The following SEMA6D variants were observed in gnomAD, a reference collection of about 807,000 sequenced individuals.
SEMA6D encodes semaphorin 6D, also known as semaphorin-6D.
SEMA6D carries 35 observed loss-of-function variants against 106.6 expected under a neutral mutation model. That is an observed-to-expected ratio of 0.33 (90% CI 0.25 to 0.44). The LOEUF is 0.44. Ranked by LOEUF, SEMA6D falls within the 20% of genes least tolerant of loss-of-function variation. SEMA6D has a pLI of 1.00. For synonymous variants in SEMA6D, 499 were observed against 487.7 expected (o/e 1.02, Z -0.31); for missense variants, 1,185 against 1,345.9 (o/e 0.88, Z 1.87).
At chr15:47,232,757 T>C (rs1595782187) in intron 1 of SEMA6D, among the ~76,000 whole-genome samples, 1 of 78,126 alleles carries the variant, frequency 1.3e-5, no homozygotes, top group African/African-American at 4.2e-5. Context: ...TTCAAACTCT[T>C]TGCACGTTTT....
At chr15:47,350,899 A>C (rs796671970) in intron 1 of SEMA6D, among the ~76,000 whole-genome samples, 1 of 152,166 alleles carries the variant, frequency 6.6e-6, no homozygotes, top group African/African-American at 2.4e-5. Flanking sequence ...GAACTATATC[A>C]TATGTATGAC....
At chr15:47,610,022 T>C (rs1328544181) in intron 4 of SEMA6D, among the ~76,000 whole-genome samples, 1 of 152,202 alleles carries the variant, frequency 6.6e-6, no homozygotes, top group African/African-American at 2.4e-5. Context: ...GCTTTGAGGA[T>C]ATCCAGACTG....
intron 3 of SEMA6D, among the ~76,000 whole-genome samples, chr15:47,571,487 T>C (rs1596339442): frequency 6.6e-6 from 1 of 152,304 alleles, no homozygotes; most frequent in East Asian, 1.9e-4. Context: ...TGCAATGAAT[T>C]TGATTAAACA....
At chr15:47,694,667 C>T (rs1163366866) in intron 4 of SEMA6D, among the ~76,000 whole-genome samples, 2 of 151,980 alleles carry the variant, frequency 1.3e-5, no homozygotes, top group Non-Finnish European at 2.9e-5. Flanking sequence ...CAATATTTTT[C>T]CTAGGCTCAC....
At chr15:47,551,078 T>G (rs1040958687) in intron 3 of SEMA6D, among the ~76,000 whole-genome samples, 3 of 152,204 alleles carry the variant, frequency 2.0e-5, no homozygotes, top group African/African-American at 7.2e-5. Flanking sequence ...GCTTTGCACC[T>G]GACACCTCCA....
At chr15:47,481,379 G>C (rs922924512) in intron 3 of SEMA6D, among the ~76,000 whole-genome samples, 1 of 152,066 alleles carries the variant, frequency 6.6e-6, no homozygotes, top group African/African-American at 2.4e-5. Context: ...AAGTATCTTT[G>C]GTAGATTTCA....
chr15:47,605,638 C>T (rs949478886), intron 4 of SEMA6D, among the ~76,000 whole-genome samples: 4 of 152,170 alleles, frequency 2.6e-5, no homozygotes, highest in African/African-American at 7.2e-5. Context: ...CGATCCCCAC[C>T]AGGCAGCCCA....
At chr15:47,368,476 ATTTAT>A (rs1426634205) in intron 1 of SEMA6D, among the ~76,000 whole-genome samples, 1 of 84,424 alleles carries the variant, frequency 1.2e-5, no homozygotes, top group Non-Finnish European at 3.1e-5. Flanking sequence ...TTATTTATTT[ATTTAT>A]TTTTTTTGAG....
intron 2 of SEMA6D, among the ~76,000 whole-genome samples, chr15:47,463,798 G>A (rs1164025136): frequency 6.6e-6 from 1 of 152,162 alleles, no homozygotes; most frequent in African/African-American, 2.4e-5. Flanking sequence ...GGTGTCCACA[G>A]AGCTGCACTC....
intron 4 of SEMA6D, among the ~76,000 whole-genome samples, chr15:47,647,163 C>A (rs2077595456): frequency 6.6e-6 from 1 of 152,128 alleles, no homozygotes; most frequent in African/African-American, 2.4e-5. Flanking sequence ...CACAATTTTC[C>A]TATGAGAGCA....
rs80128186 is a variant in SEMA6D at position 47,524,917 on chromosome 15, A to C, written c.-87+54372A>C. On this transcript the variant is annotated intron_variant, in intron 3 of 19. Transcript: ENST00000558014. ...TAGGGCATGAGCATATTAATGAGAC[A>C]AAAAAAGGGTTCCTTCATGAAAGTG... Among the ~76,000 whole-genome samples, 1,437 of 152,244 alleles carry C rather than the reference A, an allele frequency of 9.4e-3. 13 individuals carry two copies. Among genetic ancestry groups the C allele is most frequent in the Middle Eastern group, 0.017 (5 of 294 alleles).
At chr15:47,378,714 T>C (rs2039536336) in intron 1 of SEMA6D, among the ~76,000 whole-genome samples, 1 of 152,228 alleles carries the variant, frequency 6.6e-6, no homozygotes, top group Non-Finnish European at 1.5e-5. Context: ...CAGATTTGAC[T>C]TAATCAGTTC....
At chr15:47,516,359 C>T (rs552936828) in intron 3 of SEMA6D, among the ~76,000 whole-genome samples, 71 of 152,250 alleles carry the variant, frequency 4.7e-4, no homozygotes, top group African/African-American at 1.7e-3. Flanking sequence ...ATGGTGAATT[C>T]TGTCTATTTG....
intron 1 of SEMA6D, among the ~76,000 whole-genome samples, chr15:47,229,456 A>G (rs2032034495): frequency 6.6e-6 from 1 of 151,962 alleles, no homozygotes; most frequent in Non-Finnish European, 1.5e-5. Context: ...AAGGTCAGTA[A>G]TTGTGCCCCA....
intron 1 of SEMA6D, among the ~76,000 whole-genome samples, chr15:47,729,584 G>T (rs1044905340): frequency 6.6e-6 from 1 of 152,168 alleles, no homozygotes; most frequent in African/African-American, 2.4e-5. Flanking sequence ...GGGTTTGTCA[G>T]GTAAGATCAC....
intron 4 of SEMA6D, among the ~76,000 whole-genome samples, chr15:47,618,460 T>C (rs1021222213): frequency 4.6e-5 from 7 of 152,208 alleles, no homozygotes; most frequent in African/African-American, 1.7e-4. Flanking sequence ...CACAAGCCTC[T>C]GAAAAGTAAA....
intron 1 of SEMA6D, among the ~76,000 whole-genome samples, chr15:47,302,700 G>C (rs572422473): frequency 1.2e-4 from 18 of 152,156 alleles, no homozygotes; most frequent in African/African-American, 4.1e-4. Flanking sequence ...ACTTGTCTTC[G>C]ACAGATTTGA....
chr15:47,413,905 A>G (rs186391159), intron 2 of SEMA6D, among the ~76,000 whole-genome samples: 4 of 152,334 alleles, frequency 2.6e-5, no homozygotes, highest in African/African-American at 7.2e-5. Context: ...TATACTGACC[A>G]TGGCCTTACA....
chr15:47,311,257 C>T (rs182535288), intron 1 of SEMA6D, among the ~76,000 whole-genome samples: 66 of 152,260 alleles, frequency 4.3e-4, no homozygotes, highest in African/African-American at 1.5e-3. Flanking sequence ...GAGTAGGATT[C>T]GGTTGCCCAT....
Sources: allele counts gnomAD v4.1 joint callset (sites outside exome capture counted in the v4.1 genomes callset), GRCh38; gene constraint gnomAD v4.1.1; transcripts MANE v1.5; gene names NCBI Gene and HGNC (gene_info 2026-07-23, HGNC 2026-07-21).